The following GSE1 variants were observed in gnomAD, a reference collection of about 807,000 sequenced individuals.
The protein encoded by GSE1 is Gse1 coiled-coil protein.
Under a neutral mutation model 112.6 loss-of-function variants are expected in GSE1, and 32 were observed. The ratio of observed to expected loss-of-function variants is 0.28; its 90% CI spans 0.21 to 0.38. The LOEUF is 0.38. GSE1 is among the 10% of genes least tolerant of loss of function. The pLI, the probability that GSE1 is intolerant of heterozygous loss-of-function variation, is 1.00. For missense variants in GSE1, 2,348 were observed against 1,699.2 expected (o/e 1.38, Z -6.71); for synonymous variants, 1,115 against 735.6 (o/e 1.52, Z -8.35).
At chr16:85,595,555 G>A (rs538282802) in intron 1 of GSE1, 1 of 152,338 alleles carries the variant, frequency 6.6e-6, no homozygotes, top group African/African-American at 2.4e-5. Context: ...TGCCTGTTGA[G>A]GAGCCTCTAG....
intron 1 of GSE1, among the ~76,000 whole-genome samples, chr16:85,606,072 A>G (rs2047691167): frequency 6.6e-6 from 1 of 151,996 alleles, no homozygotes; most frequent in South Asian, 2.1e-4. Context: ...TCTCACCTCC[A>G]CCACAGAAGT....
intron 1 of GSE1, among the ~76,000 whole-genome samples, chr16:85,186,327 G>T (rs575579172): frequency 2.0e-5 from 3 of 152,052 alleles, no homozygotes; most frequent in Admixed American, 6.5e-5. Context: ...AAAATTGTCC[G>T]GGTGCGGTCG....
chr16:85,332,645 C>A (rs1175915824), intron 1 of GSE1, among the ~76,000 whole-genome samples: 1 of 152,186 alleles, frequency 6.6e-6, no homozygotes, highest in African/African-American at 2.4e-5. Context: ...TCCTTCTCCC[C>A]TGGCTTCCTT....
At chr16:85,547,138 C>G (rs1421833974) in intron 2 of GSE1, among the ~76,000 whole-genome samples, 1 of 152,228 alleles carries the variant, frequency 6.6e-6, no homozygotes. Context: ...CTTGACCCAG[C>G]TGTGGCCCAA....
intron 2 of GSE1, among the ~76,000 whole-genome samples, chr16:85,460,072 GC>G (rs2049931450): frequency 6.6e-6 from 1 of 152,172 alleles, no homozygotes; most frequent in Admixed American, 6.5e-5. Flanking sequence ...CCAGCGCCTG[GC>G]CTCCGATGAG....
rs1567775443 is a variant in GSE1, at chr16:85,672,474, C to CG, written c.3590dup (p.Cys1199ValfsTer11). 1 of 1,611,204 alleles carries CG rather than the reference C, an allele frequency of 6.2e-7. No individual in the cohort carries two copies. The highest frequency in any genetic ancestry group is 2.2e-5 in the East Asian group (1 of 44,858). On this transcript the variant is annotated frameshift_variant, in exon 16 of 16. Coordinates refer to ENST00000253458, the MANE Select transcript of GSE1 (RefSeq NM_014615.5). LOFTEE classifies it high-confidence loss of function. ...GCTCCAGGCAGAACTGGACCACTTA[C>CG]GAAAGTGCCTTGCCTTGCCTGCAAT...
chr16:85,201,225 A>G (rs1001403551), intron 1 of GSE1, among the ~76,000 whole-genome samples: 1 of 151,952 alleles, frequency 6.6e-6, no homozygotes, highest in Non-Finnish European at 1.5e-5. Context: ...GGCAGGTGCC[A>G]CCACACCCAG....
chr16:85,302,734 G>C (rs967322666), intron 1 of GSE1, among the ~76,000 whole-genome samples: 1 of 152,196 alleles, frequency 6.6e-6, no homozygotes, highest in African/African-American at 2.4e-5. Flanking sequence ...AGGGGGCCCA[G>C]GCATCTGAAC....
intron 1 of GSE1, among the ~76,000 whole-genome samples, chr16:85,277,588 C>T (rs767179604): frequency 6.6e-6 from 1 of 152,206 alleles, no homozygotes; most frequent in African/African-American, 2.4e-5. Flanking sequence ...AGCCCTCCCG[C>T]CTACCCACAG....
chr16:85,459,745 C>T (rs535487852), intron 2 of GSE1, among the ~76,000 whole-genome samples: 98 of 152,350 alleles, frequency 6.4e-4, no homozygotes, highest in Admixed American at 7.8e-4. Context: ...TACGTGGCCT[C>T]GGGCAAGTCA....
At chr16:85,359,510 C>A in intron 2 of GSE1, 1 of 431,632 alleles carries the variant, frequency 2.3e-6, no homozygotes, top group Non-Finnish European at 4.7e-6. Flanking sequence ...GTCCTCACAT[C>A]TGTAAGAGGG....
chr16:85,492,250 G>T (rs2051033985), intron 2 of GSE1, among the ~76,000 whole-genome samples: 1 of 152,162 alleles, frequency 6.6e-6, no homozygotes, highest in African/African-American at 2.4e-5. Flanking sequence ...GGCTGCACTG[G>T]CTGGGAGCCG....
chr16:85,517,279 C>A (rs941645798), intron 2 of GSE1, among the ~76,000 whole-genome samples: 1 of 152,082 alleles, frequency 6.6e-6, no homozygotes, highest in African/African-American at 2.4e-5. Context: ...TGAGGACACA[C>A]GCAGGGGCCT....
intron 2 of GSE1, among the ~76,000 whole-genome samples, chr16:85,410,973 A>G (rs1455083520): frequency 1.2e-5 from 1 of 85,410 alleles, no homozygotes. Context: ...TCACTGTTAC[A>G]CTCAGGGCCC....
At position 85,634,150 on chromosome 16, in the gene GSE1, G is replaced by C; in HGVS notation, c.226+18G>C. ...GCCCAGAGGTAAGGGGGCCCGCCAG[G>C]CTGCGCGTGGGGGGAGCGGCGGCTC... On this transcript the variant is annotated intron_variant, in intron 2 of 15. Transcript: ENST00000253458. 7.0e-7 allele frequency: 1 copy of C among 1,425,498 alleles called. No homozygotes were observed. Among genetic ancestry groups the C allele is most frequent in the East Asian group, 2.8e-5 (1 of 36,166 alleles). 88.3% of individuals were successfully genotyped at this position (1,425,498 alleles called of 1,614,324 possible).
intron 1 of GSE1, among the ~76,000 whole-genome samples, chr16:85,210,334 G>A (rs2075203280): frequency 6.6e-6 from 1 of 152,198 alleles, no homozygotes; most frequent in African/African-American, 2.4e-5. Flanking sequence ...AGGTGTGATT[G>A]ACAAAACTGC....
At chr16:85,382,706 C>T (rs1278898535) in intron 2 of GSE1, among the ~76,000 whole-genome samples, 1 of 151,520 alleles carries the variant, frequency 6.6e-6, no homozygotes, top group Non-Finnish European at 1.5e-5. Flanking sequence ...AGCATGGCAC[C>T]TCACACATGC....
In GSE1 at chr16:85,633,995, C is replaced by T; in HGVS notation, c.89C>T (p.Thr30Ile). The T allele has an allele frequency of 6.2e-7, 1 of 1,613,016 alleles. No homozygotes were observed. The highest frequency in any genetic ancestry group is 8.5e-7 in the Non-Finnish European group (1 of 1,179,708). The change falls in exon 2 of 16, where the codon ACC (threonine) becomes ATC (isoleucine). Residue 30 changes from threonine (T) to isoleucine (I), a missense_variant. Thr to Ile is a moderately conservative substitution (Grantham distance 89, BLOSUM62 -1). Transcript: ENST00000253458. ...TRTTATVNPL[T>I]PSPLNGALVP... ...ACCACCGCCACCGTCAACCCCCTCA[C>T]CCCCTCGCCGCTCAATGGCGCCCTG...
intron 2 of GSE1, among the ~76,000 whole-genome samples, chr16:85,512,417 G>T (rs187275554): frequency 6.6e-6 from 1 of 152,182 alleles, no homozygotes. Flanking sequence ...GTGCTTCTGC[G>T]AGCCAGGACA....
Sources: gnomAD v4.1 joint callset for allele counts (sites outside exome capture counted in the v4.1 genomes callset) on GRCh38, gnomAD v4.1.1 for gene constraint, MANE v1.5 for transcripts, NCBI Gene and HGNC (gene_info 2026-07-23, HGNC 2026-07-21) for gene names.